The following IL31RA variants were observed in gnomAD, a reference collection of about 807,000 sequenced individuals.
IL31RA encodes the protein interleukin 31 receptor A, also known as interleukin-31 receptor subunit alpha.
In IL31RA, 66 loss-of-function variants were observed where a neutral mutation model predicts 83.7. That is an observed-to-expected ratio of 0.79 (90% CI 0.65 to 0.97). The LOEUF is 0.97. IL31RA is among the 50% of genes least tolerant of loss of function. IL31RA has a pLI of 0.00. For missense variants in IL31RA, 798 were observed against 919.4 expected (o/e 0.87, Z 1.71); for synonymous variants, 325 against 329.0 (o/e 0.99, Z 0.13).
At chr5:55,908,788 A>T in intron 11 of IL31RA, 1 of 1,402,186 alleles carries the variant, frequency 7.1e-7, no homozygotes, top group Non-Finnish European at 9.2e-7. Flanking sequence ...GCCCCTGCCA[A>T]ATCATGCTTT....
chr5:55,856,255 G>C (rs1054595147), intron 1 of IL31RA, among the ~76,000 whole-genome samples: 1 of 152,202 alleles, frequency 6.6e-6, no homozygotes, highest in Admixed American at 6.5e-5. Context: ...TATATTCTAA[G>C]AGTCTTTTAG....
At chr5:55,850,948 G>A (rs983911180), upstream of IL31RA, among the ~76,000 whole-genome samples, 9 of 152,006 alleles carry the variant, frequency 5.9e-5, no homozygotes, top group South Asian at 8.3e-4. Context: ...AAATCAGCTG[G>A]GCTTGGTGGC....
rs974892947 is a variant in IL31RA at position 55,919,218 on chromosome 5, C to G, written c.*2098C>G. ...CTGTTCTTTCAACCCTCCTGCCCAC[C>G]TGTAGTTGGGGGAATTTTCTCAAAT... On this transcript the variant is annotated 3_prime_UTR_variant, in exon 15 of 15. Coordinates refer to ENST00000652347, the MANE Select transcript of IL31RA (RefSeq NM_139017.7). Among the ~76,000 whole-genome samples the G allele has an allele frequency of 2.0e-5, 3 of 152,188 alleles. No homozygotes were observed. Among genetic ancestry groups the G allele is most frequent in the African/African-American group, 7.2e-5 (3 of 41,438 alleles).
At chr5:55,874,506 A>G (rs1220377486) in intron 4 of IL31RA, among the ~76,000 whole-genome samples, 2 of 152,134 alleles carry the variant, frequency 1.3e-5, no homozygotes, top group East Asian at 1.9e-4. Context: ...ATCCATGAAC[A>G]TGGAATATCT....
the IL31RA span, chr5:55,840,134 T>C: frequency 1.3e-5 from 4 of 297,746 alleles, no homozygotes; most frequent in Admixed American, 8.7e-5. Flanking sequence ...CTAGTATCTA[T>C]GCTCCTGAGA....
intron 14 of IL31RA, 88 bp from the exon 15 acceptor site, chr5:55,916,556 C>G (rs1048129826): frequency 9.1e-7 from 1 of 1,094,994 alleles, no homozygotes; most frequent in African/African-American, 1.5e-5. Context: ...CAGAGATGGG[C>G]ATTTGCTGTC....
rs145040036 is a variant in IL31RA at position 55,903,672 on chromosome 5, G to A, written c.1070-2434G>A. On this transcript the variant is annotated intron_variant, in intron 8 of 14. Coordinates refer to ENST00000652347, the MANE Select transcript of IL31RA (RefSeq NM_139017.7). This position sits in a 1 kb window ranked among gnomAD's most constrained non-coding sequence, Gnocchi z 4.7. ...CTCCAGTGTTGGTGAGAAGGAGTGTGGGTTTAGACACCAACACTGGCTTCT... is the reference window on the plus strand; with the variant it reads ...CTCCAGTGTTGGTGAGAAGGAGTGTAGGTTTAGACACCAACACTGGCTTCT... 9.0e-4 allele frequency among the ~76,000 whole-genome samples: 137 copies of A among 152,108 alleles called. No individual in the cohort carries two copies. Among genetic ancestry groups the A allele is most frequent in the African/African-American group, 3.0e-3 (125 of 41,466 alleles).
rs1048474613 is a variant in IL31RA at position 55,922,059 on chromosome 5, G to T, written c.*4939G>T. The stretch of plus-strand genomic sequence containing the variant: ...CTTGCACTCTTATGTTGTGGCGGGG[G>T]GGGGGGGCGGTTCCTGAAGAGTGGA... On this transcript the variant is annotated 3_prime_UTR_variant, in exon 15 of 15. Transcript: ENST00000652347. Among the ~76,000 whole-genome samples, 3 of 147,174 alleles carry T rather than the reference G, an allele frequency of 2.0e-5. No homozygotes were observed. Among genetic ancestry groups the T allele is most frequent in the South Asian group, 2.2e-4 (1 of 4,534 alleles).
intron 6 of IL31RA, among the ~76,000 whole-genome samples, chr5:55,891,545 A>G (rs897353800): frequency 3.3e-5 from 5 of 151,978 alleles, no homozygotes; most frequent in African/African-American, 1.2e-4. Flanking sequence ...TCTTCCATCT[A>G]CAATACTTAT....
intron 2 of IL31RA, among the ~76,000 whole-genome samples, chr5:55,863,635 T>C (rs989837701): frequency 6.6e-6 from 1 of 152,258 alleles, no homozygotes; most frequent in Admixed American, 6.5e-5. Context: ...ATCTCTTCTG[T>C]AACACCAATA....
chr5:55,899,383 G>C (rs932631587), intron 7 of IL31RA, among the ~76,000 whole-genome samples: 1 of 152,240 alleles, frequency 6.6e-6, no homozygotes, highest in Non-Finnish European at 1.5e-5. Context: ...TCTCGCCAAG[G>C]GTTTGGGACT....
chr5:55,908,890 A>G (rs1280414861), intron 11 of IL31RA: 27 of 1,302,416 alleles, frequency 2.1e-5, no homozygotes, highest in Non-Finnish European at 2.6e-5. Flanking sequence ...TTATGGTAAA[A>G]TACACGTAAA....
chr5:55,842,199 CTG>C, the IL31RA span, among the ~76,000 whole-genome samples: 2 of 152,330 alleles, frequency 1.3e-5, no homozygotes, highest in South Asian at 4.1e-4. Flanking sequence ...TTGTGTCCCT[CTG>C]TGTCTGTCTC....
chr5:55,894,233 C>T (rs560347515), intron 6 of IL31RA, among the ~76,000 whole-genome samples: 7 of 151,876 alleles, frequency 4.6e-5, no homozygotes, highest in Non-Finnish European at 7.4e-5. Flanking sequence ...CCCTCTAATC[C>T]TGCGGGTTTC....
the IL31RA span, among the ~76,000 whole-genome samples, chr5:55,843,554 A>G: frequency 2.6e-5 from 4 of 152,170 alleles, no homozygotes; most frequent in African/African-American, 9.7e-5. Context: ...TCCATTTCCA[A>G]TACAGGGGTG....
intron 4 of IL31RA, among the ~76,000 whole-genome samples, chr5:55,873,587 A>G (rs573984979): frequency 6.6e-6 from 1 of 152,216 alleles, no homozygotes; most frequent in East Asian, 1.9e-4. Flanking sequence ...TTTTTTAATT[A>G]TAGCCATCCT....
chr5:55,841,806 T>C, the IL31RA span, among the ~76,000 whole-genome samples: 1 of 152,108 alleles, frequency 6.6e-6, no homozygotes. Flanking sequence ...TGTAGCAAAT[T>C]ACCACAAACT....
At chr5:55,915,473 A>G (rs1188126911) in intron 14 of IL31RA, among the ~76,000 whole-genome samples, 1 of 152,222 alleles carries the variant, frequency 6.6e-6, no homozygotes, top group Non-Finnish European at 1.5e-5. Context: ...CTCCATTTGC[A>G]TAAATTTTTA....
At chr5:55,842,599 A>G in the IL31RA span, among the ~76,000 whole-genome samples, 4 of 152,348 alleles carry the variant, frequency 2.6e-5, no homozygotes, top group Admixed American at 1.3e-4. Flanking sequence ...TTAGGGCGGA[A>G]TTAATGACTT....
Sources: allele counts gnomAD v4.1 joint callset (sites outside exome capture counted in the v4.1 genomes callset), GRCh38; gene constraint gnomAD v4.1.1; non-coding constraint Gnocchi (gnomAD v3.1); transcripts MANE v1.5; gene names NCBI Gene and HGNC (gene_info 2026-07-23, HGNC 2026-07-21).